APBA1: variants seen among roughly 807,000 people sequenced by gnomAD.
APBA1 encodes amyloid-beta A4 precursor protein-binding family A member 1.
In APBA1, 55 loss-of-function variants were observed where a neutral mutation model predicts 86.6. The observed-to-expected ratio is 0.64, with a 90% CI of 0.51 to 0.80. The LOEUF is 0.80. Ranked by LOEUF, APBA1 falls within the 30% of genes least tolerant of loss-of-function variation. The pLI, the probability that APBA1 is intolerant of heterozygous loss-of-function variation, is 0.00. For synonymous variants in APBA1, 511 were observed against 493.9 expected, an observed-to-expected ratio of 1.03 and a Z score of -0.46; for missense variants, 1,090 against 1,183.0, an observed-to-expected ratio of 0.92 and a Z score of 1.15.
chr9:69,567,153 A>AT (rs1837039848), intron 1 of APBA1, among the ~76,000 whole-genome samples: 1 of 152,198 alleles, frequency 6.6e-6, no homozygotes, highest in African/African-American at 2.4e-5. Flanking sequence ...TATTTGTTGA[A>AT]TTCCGTAGAG....
At chr9:69,575,887 CA>C (rs1463215056) in intron 1 of APBA1, among the ~76,000 whole-genome samples, 28 of 152,140 alleles carry the variant, frequency 1.8e-4, no homozygotes, top group Non-Finnish European at 2.9e-5. Context: ...AGCTTCTACA[CA>C]GCAAAAGAAA....
chr9:69,432,475 T>C (rs998646339), intron 12 of APBA1, 61 bp downstream of exon 12: 6 of 1,418,912 alleles, frequency 4.2e-6, no homozygotes, highest in Non-Finnish European at 4.6e-6. Flanking sequence ...ACGGTGAGCA[T>C]ACGAGGCAGG....
intron 2 of APBA1, among the ~76,000 whole-genome samples, chr9:69,492,261 TCCC>T (rs1835726192): frequency 6.6e-6 from 1 of 151,972 alleles, no homozygotes. Context: ...AGCACCCACC[TCCC>T]GGGTTGCCAT....
At chr9:69,440,402 A>C (rs993955341) in intron 11 of APBA1, among the ~76,000 whole-genome samples, 2 of 151,986 alleles carry the variant, frequency 1.3e-5, no homozygotes, top group Non-Finnish European at 2.9e-5. Context: ...AGAGGCAGGC[A>C]GGCCTCCTTG....
chr9:69,433,661 C>T (rs1370424540), intron 11 of APBA1, among the ~76,000 whole-genome samples: 1 of 152,024 alleles, frequency 6.6e-6, no homozygotes, highest in Non-Finnish European at 1.5e-5. Context: ...AAAGAGTCAC[C>T]CTAGATCCTC....
At chr9:69,583,883 A>T (rs537776949) in intron 1 of APBA1, among the ~76,000 whole-genome samples, 2 of 152,340 alleles carry the variant, frequency 1.3e-5, no homozygotes, top group African/African-American at 4.8e-5. Flanking sequence ...TTGAATGTGG[A>T]TAATGGTACC....
In APBA1 at chr9:69,583,249, C is replaced by T. The variant is rs537464298; in HGVS notation, c.-69-65970G>A. On this transcript the variant is annotated intron_variant, in intron 1 of 12. Coordinates refer to ENST00000265381, the MANE Select transcript of APBA1 (RefSeq NM_001163.4). The stretch of plus-strand genomic sequence containing the variant: ...GTTGTGGCTTTCCCACCCAGTCCAC[C>T]ACCACTGTTGGTTATCTAGTCCAGC... Among the ~76,000 whole-genome samples the T allele has an allele frequency of 1.3e-4, 20 of 152,298 alleles. No homozygotes were observed. The East Asian group carries it at 3.9e-3, about 29-fold the overall frequency.
At chr9:69,617,237 G>A (rs977981565) in intron 1 of APBA1, among the ~76,000 whole-genome samples, 2 of 151,996 alleles carry the variant, frequency 1.3e-5, no homozygotes, top group African/African-American at 4.8e-5. Flanking sequence ...GCTTACTATG[G>A]CATGTGTGTT....
In APBA1 at chr9:69,432,583, T is replaced by C; in HGVS notation, c.2395A>G (p.Thr799Ala). The change falls in exon 12 of 13, where the codon ACC becomes GCC. Residue 799 changes from threonine (T) to alanine (A), a missense_variant. Physicochemically the swap from Thr to Ala is moderately conservative, Grantham distance 58. Around this residue, in one of 6 missense-constraint regions of APBA1, gnomAD observed 119 missense variants for 124.8 expected, o/e 0.95. Coordinates refer to ENST00000265381, the MANE Select transcript of APBA1 (RefSeq NM_001163.4). ...ATGTGGACGATCTTCTCGTGGGGGGTGGCCACGACGCTCTGTCCATTGATT... is the reference window on the plus strand; with the variant it reads ...ATGTGGACGATCTTCTCGTGGGGGGCGGCCACGACGCTCTGTCCATTGATT... ...IEINGQSVVATPHEKIVHILS... is the reference protein window; with the variant it reads ...IEINGQSVVAAPHEKIVHILS... 6.3e-7 allele frequency: 1 copy of C among 1,598,148 alleles called. No homozygotes were observed. The highest frequency in any genetic ancestry group is 1.1e-5 in the South Asian group (1 of 88,930).
chr9:69,559,142 C>T (rs1400807613), intron 1 of APBA1, among the ~76,000 whole-genome samples: 1 of 152,156 alleles, frequency 6.6e-6, no homozygotes, highest in Non-Finnish European at 1.5e-5. Context: ...CTATCTCAGT[C>T]TTACAGAAAT....
chr9:69,592,554 C>T (rs1822151548), intron 1 of APBA1, among the ~76,000 whole-genome samples: 1 of 152,162 alleles, frequency 6.6e-6, no homozygotes, highest in Non-Finnish European at 1.5e-5. Context: ...ATGATCACGC[C>T]ACTACATTCC....
intron 1 of APBA1, among the ~76,000 whole-genome samples, chr9:69,644,526 T>C (rs915879428): frequency 4.6e-5 from 7 of 152,226 alleles, no homozygotes; most frequent in Non-Finnish European, 8.8e-5. Flanking sequence ...TGAATGGCTT[T>C]CCCCATTCAA....
intron 1 of APBA1, among the ~76,000 whole-genome samples, chr9:69,611,552 T>G (rs1291843631): frequency 6.6e-6 from 1 of 152,150 alleles, no homozygotes; most frequent in Non-Finnish European, 1.5e-5. Context: ...CCAAACTGGT[T>G]TATTCAAAAT....
chr9:69,654,978 C>G (rs1010693863), intron 1 of APBA1, among the ~76,000 whole-genome samples: 1 of 152,058 alleles, frequency 6.6e-6, no homozygotes, highest in Non-Finnish European at 1.5e-5. Context: ...TTAATAGATA[C>G]AGAAGAAGTG....
chr9:69,548,083 G>A (rs1836725722), intron 1 of APBA1, among the ~76,000 whole-genome samples: 3 of 152,216 alleles, frequency 2.0e-5, no homozygotes, highest in Admixed American at 2.0e-4. Context: ...AACTGTGTCA[G>A]AGAGATGGGA....
chr9:69,434,858 A>G (rs1280162661), intron 11 of APBA1, among the ~76,000 whole-genome samples: 2 of 151,910 alleles, frequency 1.3e-5, no homozygotes, highest in Non-Finnish European at 2.9e-5. Flanking sequence ...GGTTTGTTAC[A>G]TATGTATACA....
In APBA1 at chr9:69,452,313, G is replaced by A; in HGVS notation, c.1789-12C>T. On this transcript the variant is annotated splice_polypyrimidine_tract_variant and intron_variant, in intron 8 of 12. Transcript: ENST00000265381. ...GCAATCAGCTGAGCCTGGAACAGCA[G>A]CCAGAGAGGAAAGATGGTCAGCAGG... is the stretch of plus-strand genomic sequence containing the variant. 6.2e-7 allele frequency: 1 copy of A among 1,613,494 alleles called. No individual in the cohort carries two copies. The highest frequency in any genetic ancestry group is 1.1e-5 in the South Asian group (1 of 90,994).
chr9:69,610,089 A>G (rs1230040607), intron 1 of APBA1, among the ~76,000 whole-genome samples: 1 of 152,190 alleles, frequency 6.6e-6, no homozygotes, highest in Admixed American at 6.5e-5. Context: ...AGGCCAAAGC[A>G]AGAGGATCAC....
chr9:69,609,749 C>T (rs569923682), intron 1 of APBA1, among the ~76,000 whole-genome samples: 1 of 152,292 alleles, frequency 6.6e-6, no homozygotes, highest in African/African-American at 2.4e-5. Flanking sequence ...TTCTGCCCTG[C>T]TGAGTCTCCT....
Sources: gnomAD v4.1 joint callset for allele counts (sites outside exome capture counted in the v4.1 genomes callset) on GRCh38, gnomAD v4.1.1 for gene constraint, gnomAD v4.1.1 regional missense constraint, MANE v1.5 for transcripts, NCBI Gene and HGNC (gene_info 2026-07-23, HGNC 2026-07-21) for gene names.